PDE3A: variants seen among roughly 807,000 people sequenced by gnomAD.
The protein encoded by PDE3A is cGMP-inhibited 3',5'-cyclic phosphodiesterase 3A.
Under a neutral mutation model 98.3 loss-of-function variants are expected in PDE3A, and 43 were observed. That is an observed-to-expected ratio of 0.44 (90% CI 0.34 to 0.56). PDE3A has a LOEUF of 0.56. PDE3A is among the 20% of genes least tolerant of loss of function. The probability of loss-of-function intolerance (pLI) is 0.01; values close to 1 mark genes in which losing one functional copy is unlikely to be tolerated. For missense variants in PDE3A, 1,427 were observed against 1,440.7 expected (o/e 0.99, Z 0.15); for synonymous variants, 663 against 567.9 (o/e 1.17, Z -2.38).
At chr12:20,406,467 C>T (rs770564899) in intron 1 of PDE3A, among the ~76,000 whole-genome samples, 4 of 152,146 alleles carry the variant, frequency 2.6e-5, no homozygotes, top group African/African-American at 4.8e-5. Flanking sequence ...TTGCATTCCC[C>T]GGATGATTAC....
At chr12:20,498,242 T>A (rs1283829425) in intron 1 of PDE3A, among the ~76,000 whole-genome samples, 1 of 152,044 alleles carries the variant, frequency 6.6e-6, no homozygotes, top group Non-Finnish European at 1.5e-5. Flanking sequence ...TTGGTGGGCA[T>A]TGTGGAGCTT....
At chr12:20,639,697 C>G in intron 9 of PDE3A, 149 bp from the exon 10 acceptor site, 1 of 495,394 alleles carries the variant, frequency 2.0e-6, no homozygotes, top group Non-Finnish European at 3.7e-6. Context: ...TGATGACTAT[C>G]ATTTTAACCA....
rs1272465375 is a variant in PDE3A at position 20,369,616 on chromosome 12, T to A, written c.332T>A (p.Val111Asp). 6.3e-7 allele frequency: 1 copy of A among 1,576,752 alleles called. No individual in the cohort carries two copies. Among genetic ancestry groups the A allele is most frequent in the South Asian group, 1.1e-5 (1 of 87,492 alleles). ...GCAGCCCCGGGAGCAGAAGGGGGCG[T>A]CTTCCCGGGGCCTCGGGGAGGTGCT... is the stretch of plus-strand genomic sequence containing the variant. Reference protein sequence around the residue: ...EEAAPGAEGGVFPGPRGGAPG... With the variant: ...EEAAPGAEGGDFPGPRGGAPG... Residue 111 changes from valine to aspartate, a missense_variant, in exon 1 of 16, where the codon GTC becomes GAC. This residue lies in a region of PDE3A where 1,012 missense variants were observed against 886.5 expected (regional missense o/e 1.14). Coordinates refer to ENST00000359062, the MANE Select transcript of PDE3A (RefSeq NM_000921.5).
At chr12:20,588,120 A>G (rs1943236154) in intron 2 of PDE3A, among the ~76,000 whole-genome samples, 1 of 152,208 alleles carries the variant, frequency 6.6e-6, no homozygotes, top group Non-Finnish European at 1.5e-5. Flanking sequence ...GAAGAGAACC[A>G]TGAAGAAGGC....
At chr12:20,391,388 T>TAC (rs202143143) in intron 1 of PDE3A, among the ~76,000 whole-genome samples, 3 of 104,142 alleles carry the variant, frequency 2.9e-5, no homozygotes, top group Non-Finnish European at 6.0e-5. Flanking sequence ...TATATATATA[T>TAC]ACACACACAC....
At chr12:20,482,044 G>A (rs1945640085) in intron 1 of PDE3A, among the ~76,000 whole-genome samples, 1 of 151,962 alleles carries the variant, frequency 6.6e-6, no homozygotes, top group African/African-American at 2.4e-5. Context: ...GATTACAGGC[G>A]TGAGCCACCA....
At chr12:20,643,179 A>G (rs1220466914) in intron 10 of PDE3A, among the ~76,000 whole-genome samples, 3 of 152,162 alleles carry the variant, frequency 2.0e-5, no homozygotes, top group Non-Finnish European at 4.4e-5. Context: ...CGAGAAGGCT[A>G]GGGGTTTGTC....
At chr12:20,654,235 T>C (rs768158212) in intron 15 of PDE3A, 30 bp downstream of exon 15, 6 of 1,605,322 alleles carry the variant, frequency 3.7e-6, no homozygotes, top group Non-Finnish European at 5.1e-6. Flanking sequence ...TCTAATGTGT[T>C]TTCCCTGGGA....
At chr12:20,554,813 C>CT (rs981657780) in intron 1 of PDE3A, among the ~76,000 whole-genome samples, 18 of 151,900 alleles carry the variant, frequency 1.2e-4, no homozygotes, top group African/African-American at 4.1e-4. Context: ...TCATGAACTC[C>CT]TTTTTTTCAT....
chr12:20,521,170 A>G (rs1946418338), intron 1 of PDE3A, among the ~76,000 whole-genome samples: 1 of 149,714 alleles, frequency 6.7e-6, no homozygotes, highest in African/African-American at 2.5e-5. Flanking sequence ...GGTTGTAAGA[A>G]TCAGGTTCAT....
intron 1 of PDE3A, among the ~76,000 whole-genome samples, chr12:20,445,699 T>C (rs551836060): frequency 6.6e-6 from 1 of 152,290 alleles, no homozygotes; most frequent in Admixed American, 6.5e-5. Context: ...ATGACATAAA[T>C]GCCGCCCTCA....
At chr12:20,584,729 A>T (rs1475790330) in intron 2 of PDE3A, among the ~76,000 whole-genome samples, 1 of 152,166 alleles carries the variant, frequency 6.6e-6, no homozygotes, top group Admixed American at 6.5e-5. Flanking sequence ...CTTAGGCAAG[A>T]TAAGGCCTGT....
chr12:20,388,180 G>A (rs1345885550), intron 1 of PDE3A, among the ~76,000 whole-genome samples: 2 of 151,962 alleles, frequency 1.3e-5, no homozygotes, highest in Non-Finnish European at 2.9e-5. Flanking sequence ...TTTAGGAATG[G>A]TAATGTGTGA....
In PDE3A at chr12:20,685,230, C is replaced by T. The variant is rs7305718; in HGVS notation, c.*4959C>T. 0.58 allele frequency among the ~76,000 whole-genome samples: 87,865 copies of T among 151,474 alleles called. 25,901 individuals carry two copies. The highest frequency in any genetic ancestry group is 0.75 in the East Asian group (3,832 of 5,108). ...GAGTTCGACACCAGCCTGACCAACA[C>T]GGAGAAACCCCGTCTTTACTAAAAA... On this transcript the variant is annotated 3_prime_UTR_variant, in exon 16 of 16. Coordinates refer to ENST00000359062, the MANE Select transcript of PDE3A (RefSeq NM_000921.5).
chr12:20,669,771 C>G (rs1323653318), intron 15 of PDE3A, among the ~76,000 whole-genome samples: 1 of 152,022 alleles, frequency 6.6e-6, no homozygotes, highest in Non-Finnish European at 1.5e-5. Context: ...ACCATCGAGA[C>G]TAGGAAGAAA....
intron 1 of PDE3A, among the ~76,000 whole-genome samples, chr12:20,403,001 T>G (rs1013746373): frequency 2.0e-5 from 3 of 152,178 alleles, no homozygotes; most frequent in African/African-American, 7.2e-5. Flanking sequence ...AAATAATATA[T>G]AACTCCTACT....
chr12:20,647,432 T>G lies in PDE3A; in HGVS notation c.2565+482T>G, dbSNP rs201563700. 1.9e-3 allele frequency among the ~76,000 whole-genome samples: 5 copies of G among 2,678 alleles called. No individual in the cohort carries two copies. In the South Asian group the frequency reaches 0.19, roughly 103 times the overall value. The allele number at this position is 2,678 out of a possible 152,430, so 1.8% of individuals were successfully genotyped here. On this transcript the variant is annotated intron_variant, in intron 12 of 15. Coordinates refer to ENST00000359062, the MANE Select transcript of PDE3A (RefSeq NM_000921.5). ...ATTTATTTCATTGGAGGATTTTTTA[T>G]TTTTTTTGCCTAAACATAGATTCCA...
At chr12:20,448,268 C>G (rs140084327) in intron 1 of PDE3A, among the ~76,000 whole-genome samples, 1 of 152,062 alleles carries the variant, frequency 6.6e-6, no homozygotes, top group Non-Finnish European at 1.5e-5. Flanking sequence ...GGTGAAACCC[C>G]GTCTCTACTA....
chr12:20,417,808 G>A (rs939276319), intron 1 of PDE3A, among the ~76,000 whole-genome samples: 7 of 152,276 alleles, frequency 4.6e-5, no homozygotes, highest in East Asian at 1.9e-4. Flanking sequence ...TCGAGGCAGC[G>A]TACTTAGATA....
Sources: gnomAD v4.1 joint callset for allele counts (sites outside exome capture counted in the v4.1 genomes callset) on GRCh38, gnomAD v4.1.1 for gene constraint, gnomAD v4.1.1 regional missense constraint, MANE v1.5 for transcripts, NCBI Gene and HGNC (gene_info 2026-07-23, HGNC 2026-07-21) for gene names.